Variants in ANKRD17 observed in about 807,000 individuals in gnomAD.
The protein encoded by ANKRD17 is ankyrin repeat domain 17, also known as ankyrin repeat domain-containing protein 17.
ANKRD17 carries 19 observed loss-of-function variants against 229.7 expected under a neutral mutation model. The ratio of observed to expected loss-of-function variants is 0.08; its 90% CI spans 0.06 to 0.12. The LOEUF (loss-of-function observed/expected upper bound fraction) is 0.12. Among genes scored for constraint, ANKRD17 ranks in the 10% least tolerant of loss-of-function variants. The pLI is 1.00. For synonymous variants in ANKRD17, 1,112 were observed against 1,146.1 expected, an observed-to-expected ratio of 0.97 and a Z score of 0.60; for missense variants, 2,176 against 3,176.8, an observed-to-expected ratio of 0.68 and a Z score of 7.57.
chr4:73,077,964 A>G (rs919403492), intron 31 of ANKRD17, among the ~76,000 whole-genome samples: 9 of 152,226 alleles, frequency 5.9e-5, no homozygotes, highest in African/African-American at 2.2e-4. Context: ...AGAAATGACT[A>G]CGAGGCTGGG....
At chr4:73,247,797 A>G (rs1744631877) in intron 1 of ANKRD17, among the ~76,000 whole-genome samples, 3 of 151,988 alleles carry the variant, frequency 2.0e-5, no homozygotes, top group South Asian at 4.1e-4. Context: ...AGCAAGCAAA[A>G]TTTCTAAGTG....
chr4:73,232,879 C>T (rs559055442), intron 1 of ANKRD17, among the ~76,000 whole-genome samples: 6 of 152,010 alleles, frequency 3.9e-5, no homozygotes, highest in East Asian at 1.9e-4. Flanking sequence ...GCAGCTACCA[C>T]GCCCAGCTAA....
intron 16 of ANKRD17, among the ~76,000 whole-genome samples, chr4:73,133,562 T>C (rs1259216681): frequency 6.6e-6 from 1 of 152,008 alleles, no homozygotes; most frequent in Non-Finnish European, 1.5e-5. Context: ...AGCTAATTTT[T>C]TTTGTATTTT....
chr4:73,231,589 C>A (rs1417720004), intron 1 of ANKRD17, among the ~76,000 whole-genome samples: 1 of 152,214 alleles, frequency 6.6e-6, no homozygotes, highest in Non-Finnish European at 1.5e-5. Flanking sequence ...TACATTTGGT[C>A]TCTGGTCTTA....
chr4:73,105,341 C>A (rs1724486841), intron 24 of ANKRD17, among the ~76,000 whole-genome samples: 1 of 150,646 alleles, frequency 6.6e-6, no homozygotes, highest in Non-Finnish European at 1.5e-5. Context: ...CATACACCTA[C>A]TATTTTACTA....
chr4:73,078,109 T>C (rs540327478), intron 31 of ANKRD17, among the ~76,000 whole-genome samples: 7 of 152,230 alleles, frequency 4.6e-5, no homozygotes, highest in African/African-American at 1.2e-4. Flanking sequence ...CGGGGCACAG[T>C]GGCTCACGCC....
At position 73,091,183 on chromosome 4, in the gene ANKRD17, C is replaced by G. The variant is rs771149719; in HGVS notation, c.6445G>C (p.Val2149Leu). The G allele has an allele frequency of 2.0e-5, 32 of 1,614,058 alleles. No homozygotes were observed. Among genetic ancestry groups the G allele is most frequent in the Non-Finnish European group, 2.7e-5 (32 of 1,180,048 alleles). Reference sequence around the variant, plus strand: ...TAAGTCACTGGGGCAGTAGAAGGCACCGCCACTGGAGCAGAACTTGTTGCT... The same window carrying G: ...TAAGTCACTGGGGCAGTAGAAGGCAGCGCCACTGGAGCAGAACTTGTTGCT... ...PLATSSAPVA[V>L]PSTAPVTYPM... Residue 2149 changes from valine (V) to leucine (L), a missense_variant, in exon 29 of 34, where the codon GTG becomes CTG. Coordinates refer to ENST00000358602, the MANE Select transcript of ANKRD17 (RefSeq NM_032217.5).
At chr4:73,211,615 G>C (rs994327157) in intron 1 of ANKRD17, among the ~76,000 whole-genome samples, 1 of 152,106 alleles carries the variant, frequency 6.6e-6, no homozygotes, top group Non-Finnish European at 1.5e-5. Flanking sequence ...GGGAGGCCGA[G>C]GCAGGTGGAT....
In ANKRD17 at chr4:73,092,140, T is replaced by C; in HGVS notation, c.5488A>G (p.Thr1830Ala). Residue 1830 changes from threonine (T) to alanine (A), a missense_variant, in exon 29 of 34, where the codon ACT becomes GCT. By Grantham distance (58) the Thr-to-Ala change is moderately conservative. Transcript: ENST00000358602. ...GTCATTTTAATTCCCATTAAGGAAG[T>C]GTTAGCAGCAGTGGTGGTAGGTGCT... ...SSAPTTTAANTSLMGIKMTTV... is the reference protein window; with the variant it reads ...SSAPTTTAANASLMGIKMTTV... 1 of 1,614,194 alleles carries C rather than the reference T, an allele frequency of 6.2e-7. No homozygotes were observed. The highest frequency in any genetic ancestry group is 1.7e-5 in the Admixed American group (1 of 60,020).
At chr4:73,253,032 G>A (rs1268642553) in intron 1 of ANKRD17, among the ~76,000 whole-genome samples, 1 of 152,172 alleles carries the variant, frequency 6.6e-6, no homozygotes, top group Non-Finnish European at 1.5e-5. Flanking sequence ...AACAGAGCAT[G>A]TGAATGAGTG....
chr4:73,199,828 C>A (rs1335153746), intron 1 of ANKRD17, among the ~76,000 whole-genome samples: 1 of 152,090 alleles, frequency 6.6e-6, no homozygotes, highest in Non-Finnish European at 1.5e-5. Flanking sequence ...AGAGGGCAGT[C>A]AATAAACATT....
intron 1 of ANKRD17, among the ~76,000 whole-genome samples, chr4:73,199,221 C>CTG (rs10577503): frequency 0.1 from 13,986 of 140,370 alleles, 696 homozygotes; most frequent in South Asian, 0.15. Flanking sequence ...TACAGTTTGG[C>CTG]TGTGTGTGTG....
At chr4:73,252,706 A>C (rs1254845115) in intron 1 of ANKRD17, among the ~76,000 whole-genome samples, 5 of 152,100 alleles carry the variant, frequency 3.3e-5, no homozygotes, top group African/African-American at 1.2e-4. Context: ...TAATAAGGAG[A>C]GATTACCTTG....
chr4:73,257,271 T>C (rs1262671582), intron 1 of ANKRD17, among the ~76,000 whole-genome samples: 1 of 152,212 alleles, frequency 6.6e-6, no homozygotes, highest in Admixed American at 6.5e-5. Context: ...AACTCTCAGT[T>C]GGTTGTCAGT....
At chr4:73,110,635 CCA>C (rs1358383846) in intron 24 of ANKRD17, among the ~76,000 whole-genome samples, 1 of 152,164 alleles carries the variant, frequency 6.6e-6, no homozygotes, top group Non-Finnish European at 1.5e-5. Context: ...CTAAAGAAGT[CCA>C]TTTTCCCAGA....
At chr4:73,113,651 G>T in intron 24 of ANKRD17, 141 bp downstream of exon 24, 1 of 757,854 alleles carries the variant, frequency 1.3e-6, no homozygotes, top group Admixed American at 2.5e-5. Context: ...TTCTCTCCAC[G>T]ATTTGAGCCA....
intron 10 of ANKRD17, among the ~76,000 whole-genome samples, chr4:73,146,250 C>G (rs1190469119): frequency 1.3e-5 from 2 of 152,148 alleles, no homozygotes; most frequent in Admixed American, 6.6e-5. Context: ...ATCTTCTTTA[C>G]TCTGCATTTT....
chr4:73,200,325 C>T (rs540634072), intron 1 of ANKRD17, among the ~76,000 whole-genome samples: 29 of 152,056 alleles, frequency 1.9e-4, no homozygotes, highest in Admixed American at 3.3e-4. Context: ...AAATTGTCAT[C>T]GGGGTACATA....
At chr4:73,106,533 G>A (rs189690557) in intron 24 of ANKRD17, among the ~76,000 whole-genome samples, 21 of 152,250 alleles carry the variant, frequency 1.4e-4, no homozygotes, top group Admixed American at 5.2e-4. Context: ...TGCAATCAAC[G>A]AAGAGGCACT....
Sources: allele counts gnomAD v4.1 joint callset (sites outside exome capture counted in the v4.1 genomes callset), GRCh38; gene constraint gnomAD v4.1.1; transcripts MANE v1.5; gene names NCBI Gene and HGNC (gene_info 2026-07-23, HGNC 2026-07-21).